The following DENND1B variants were observed in gnomAD, a reference collection of about 807,000 sequenced individuals.
DENND1B encodes the protein DENN domain-containing protein 1B.
DENND1B carries 59 observed loss-of-function variants against 90.1 expected under a neutral mutation model. The ratio of observed to expected loss-of-function variants is 0.65; its 90% CI spans 0.53 to 0.81. The LOEUF (loss-of-function observed/expected upper bound fraction) is 0.81. Ranked by LOEUF, DENND1B falls within the 40% of genes least tolerant of loss-of-function variation. The probability of loss-of-function intolerance (pLI) is 0.00; values close to 1 mark genes in which losing one functional copy is unlikely to be tolerated. For missense variants in DENND1B, 862 were observed against 912.6 expected, an observed-to-expected ratio of 0.94 and a Z score of 0.71; for synonymous variants, 337 against 324.6, an observed-to-expected ratio of 1.04 and a Z score of -0.41.
At chr1:197,769,152 A>C (rs1233498526) in intron 2 of DENND1B, among the ~76,000 whole-genome samples, 1 of 152,214 alleles carries the variant, frequency 6.6e-6, no homozygotes, top group African/African-American at 2.4e-5. Context: ...TTTACTCTAA[A>C]TACATTTTCT....
At chr1:197,575,766 G>A (rs1037730910) in intron 15 of DENND1B, among the ~76,000 whole-genome samples, 7 of 152,184 alleles carry the variant, frequency 4.6e-5, no homozygotes, top group Non-Finnish European at 8.8e-5. Context: ...AAAAGGATGA[G>A]TTCATGTCCT....
chr1:197,654,148 A>AC, intron 6 of DENND1B, among the ~76,000 whole-genome samples: 1 of 152,336 alleles, frequency 6.6e-6, no homozygotes, highest in Admixed American at 6.5e-5. Context: ...CAATTACATT[A>AC]TAAAAAATTG....
At chr1:197,570,950 A>G (rs1175515637) in intron 15 of DENND1B, among the ~76,000 whole-genome samples, 3 of 152,174 alleles carry the variant, frequency 2.0e-5, no homozygotes, top group Non-Finnish European at 4.4e-5. Context: ...GAGAAAATTG[A>G]TATGTAAATG....
intron 15 of DENND1B, among the ~76,000 whole-genome samples, chr1:197,580,351 G>A (rs1446650892): frequency 1.3e-5 from 2 of 150,324 alleles, no homozygotes; most frequent in Non-Finnish European, 3.0e-5. Context: ...ACCCGTCTCG[G>A]TCTCCCAGAG....
chr1:197,648,545 T>C (rs979249202), intron 7 of DENND1B, among the ~76,000 whole-genome samples: 1 of 152,214 alleles, frequency 6.6e-6, no homozygotes, highest in Non-Finnish European at 1.5e-5. Flanking sequence ...TCCATTGTCT[T>C]AGCACCTTTA....
chr1:197,721,222 ACCACAC>A (rs1661145100), intron 2 of DENND1B, among the ~76,000 whole-genome samples: 1 of 151,796 alleles, frequency 6.6e-6, no homozygotes, highest in Non-Finnish European at 1.5e-5. Context: ...GGCACCCACC[ACCACAC>A]CCAGCTAATT....
At chr1:197,535,626 G>A (rs1357133611) in intron 20 of DENND1B, among the ~76,000 whole-genome samples, 1 of 152,146 alleles carries the variant, frequency 6.6e-6, no homozygotes, top group Non-Finnish European at 1.5e-5. Context: ...AAAATAGTGT[G>A]AAGCAATCAG....
At chr1:197,777,205 A>G (rs1373649284), upstream of DENND1B, among the ~76,000 whole-genome samples, 3 of 152,126 alleles carry the variant, frequency 2.0e-5, no homozygotes, top group Non-Finnish European at 4.4e-5. Flanking sequence ...AAGGAACCCT[A>G]CTTGGGGTGA....
At position 197,704,618 on chromosome 1, in the gene DENND1B, C is replaced by T. The variant is rs1659344552; in HGVS notation, c.126+10413G>A. Among the ~76,000 whole-genome samples the T allele has an allele frequency of 3.9e-5, 6 of 152,228 alleles. No individual in the cohort carries two copies. In the South Asian group the frequency reaches 1.2e-3, roughly 32 times the overall value. ...TGCCATGTCAGTTGTCCCACTGGTT[C>T]CTCAATTGCCAAAAGAAGGAAAACA... On this transcript the variant is annotated intron_variant, in intron 3 of 22. Coordinates refer to ENST00000620048, the MANE Select transcript of DENND1B (RefSeq NM_001195215.2).
At chr1:197,585,369 T>C (rs1459991146) in intron 14 of DENND1B, among the ~76,000 whole-genome samples, 1 of 152,218 alleles carries the variant, frequency 6.6e-6, no homozygotes, top group Non-Finnish European at 1.5e-5. Context: ...TCAGGACTAA[T>C]AGTAACTTTA....
intron 5 of DENND1B, among the ~76,000 whole-genome samples, chr1:197,664,210 T>C (rs997366171): frequency 1.1e-4 from 17 of 152,052 alleles, no homozygotes; most frequent in Non-Finnish European, 2.1e-4. Context: ...CACTAAATTT[T>C]ACAGTCCCAA....
intron 2 of DENND1B, among the ~76,000 whole-genome samples, chr1:197,732,492 G>A (rs1295825687): frequency 6.6e-6 from 1 of 152,118 alleles, no homozygotes; most frequent in Non-Finnish European, 1.5e-5. Flanking sequence ...GAAGAAATGT[G>A]TATTGTTACC....
At chr1:197,707,052 C>T (rs923781744) in intron 3 of DENND1B, among the ~76,000 whole-genome samples, 1 of 152,008 alleles carries the variant, frequency 6.6e-6, no homozygotes, top group East Asian at 1.9e-4. Flanking sequence ...ATATGGTATA[C>T]ATACAAAATG....
intron 3 of DENND1B, among the ~76,000 whole-genome samples, chr1:197,692,022 A>G (rs1409145284): frequency 1.3e-5 from 2 of 151,850 alleles, no homozygotes; most frequent in African/African-American, 4.8e-5. Flanking sequence ...TAACATGAAT[A>G]AGTTCTAGAG....
At chr1:197,629,156 A>T (rs1246544788) in intron 10 of DENND1B, among the ~76,000 whole-genome samples, 1 of 152,134 alleles carries the variant, frequency 6.6e-6, no homozygotes, top group Admixed American at 6.5e-5. Flanking sequence ...ATACCATTTG[A>T]CCCAGCCATC....
At chr1:197,759,072 C>A (rs997224870) in intron 2 of DENND1B, among the ~76,000 whole-genome samples, 1 of 146,464 alleles carries the variant, frequency 6.8e-6, no homozygotes, top group South Asian at 2.2e-4. Flanking sequence ...TAGGTTCAAG[C>A]AATTCTCCTG....
At chr1:197,658,228 A>G in intron 6 of DENND1B, 72 bp downstream of exon 6, 2 of 1,224,608 alleles carry the variant, frequency 1.6e-6, no homozygotes, top group Non-Finnish European at 2.4e-6. Flanking sequence ...TACACTTAAA[A>G]ATGGTTAAAA....
chr1:197,517,754 A>G (rs1034891146), intron 20 of DENND1B, among the ~76,000 whole-genome samples: 2 of 151,882 alleles, frequency 1.3e-5, no homozygotes, highest in African/African-American at 4.8e-5. Context: ...GGATCTGGCT[A>G]TGGCAGCCTC....
intron 18 of DENND1B, among the ~76,000 whole-genome samples, chr1:197,544,792 A>AGAGGAG (rs896269043): frequency 6.9e-6 from 1 of 144,102 alleles, no homozygotes; most frequent in Non-Finnish European, 1.6e-5. Context: ...AAGAAGAAGA[A>AGAGGAG]GAGGAGGAAG....
Sources: gnomAD v4.1 joint callset for allele counts (sites outside exome capture counted in the v4.1 genomes callset) on GRCh38, gnomAD v4.1.1 for gene constraint, MANE v1.5 for transcripts, NCBI Gene and HGNC (gene_info 2026-07-23, HGNC 2026-07-21) for gene names.